The following AWAT2 variants were observed in gnomAD, a reference collection of about 807,000 sequenced individuals.
AWAT2 encodes acyl-CoA wax alcohol acyltransferase 2.
A neutral mutation model predicts 22.3 loss-of-function variants in AWAT2; 9 were observed. That is an observed-to-expected ratio of 0.40 (90% CI 0.24 to 0.70). AWAT2 has a LOEUF of 0.70. Ranked by LOEUF, AWAT2 falls within the 30% of genes least tolerant of loss-of-function variation. AWAT2 has a pLI of 0.36. For synonymous variants in AWAT2, 100 were observed against 93.4 expected (o/e 1.07, Z -0.40); for missense variants, 217 against 265.9 (o/e 0.82, Z 1.28).
chrX:70,043,116 C>T lies in AWAT2; in HGVS notation c.600G>A (p.Leu200=), dbSNP rs1310886292. ...CAAAGCCAGACCGGTTCTTCAACAC[C>T]AGGGTAGAAGAACCTGGCAGGCTGT... ...CRYSLPGSST[L]VLKNRSGFVR... The change falls in exon 5 of 8, where the codon CTG becomes CTA. Residue 200 remains leucine (L), a synonymous_variant. Coordinates refer to ENST00000276101, the MANE Select transcript of AWAT2 (RefSeq NM_001002254.1). 1 of 1,198,490 alleles carries T rather than the reference C, an allele frequency of 8.3e-7. No individual in the cohort carries two copies. Among genetic ancestry groups the T allele is most frequent in the South Asian group, 1.8e-5 (1 of 54,481 alleles).
In AWAT2 at chrX:70,042,376, T is replaced by C; in HGVS notation, c.658A>G (p.Ile220Val). The change falls in exon 6 of 8, where the codon ATA (isoleucine) becomes GTA (valine). Residue 220 changes from isoleucine to valine, a missense_variant. By Grantham distance (29) the Ile-to-Val change is conservative. Transcript: ENST00000276101. Reference protein sequence around the residue: ...RMALQHGVPLIPAYAFGETDL... With the variant: ...RMALQHGVPLVPAYAFGETDL... Reference sequence around the variant, plus strand: ...GTCTCCCCAAAGGCATAGGCAGGTATTAGAGGCACCCTGCAGAGCAAAAGC... The same window carrying C: ...GTCTCCCCAAAGGCATAGGCAGGTACTAGAGGCACCCTGCAGAGCAAAAGC... 8.3e-7 allele frequency: 1 copy of C among 1,210,841 alleles called. No homozygotes were observed. Among genetic ancestry groups the C allele is most frequent in the African/African-American group, 1.7e-5 (1 of 57,784 alleles).
intron 5 of AWAT2, chrX:70,042,602 C>T (rs906037849): frequency 2.1e-6 from 1 of 465,842 alleles, no homozygotes; most frequent in African/African-American, 2.4e-5. Context: ...GAGGCAAGCC[C>T]AGACCCTCCT....
rs767582878 is a variant in AWAT2, at chrX:70,042,982, G to A, written c.647+87C>T. The A allele has an allele frequency of 2.4e-5, 20 of 841,672 alleles. No homozygotes were observed. In the East Asian group the frequency reaches 7.0e-4, roughly 29 times the overall value. The allele number at this position is 841,672 out of a possible 1,213,427, so 69.4% of individuals were successfully genotyped here. A position where few individuals can be genotyped will look rare whatever the true frequency, so the allele number is the denominator to read the frequency against. Reference sequence around the variant, plus strand: ...TTGTATACTTCCTCCTCTCTCTGTGGATGTCCTTTCATCAAAACCCCCTCT... The same window carrying A: ...TTGTATACTTCCTCCTCTCTCTGTGAATGTCCTTTCATCAAAACCCCCTCT... On this transcript the variant is annotated intron_variant, in intron 5 of 7. Transcript: ENST00000276101.
At chrX:70,041,644 T>G in intron 7 of AWAT2, 22 bp from the exon 8 acceptor site, 6 of 436,089 alleles carry the variant, frequency 1.4e-5, no homozygotes, top group Non-Finnish European at 1.1e-5. Flanking sequence ...AAAAAGGAGG[T>G]GGGAAAAGGA....
chrX:70,044,560 C>G, intron 1 of AWAT2, 98 bp from the exon 2 acceptor site: 2 of 1,113,103 alleles, frequency 1.8e-6, no homozygotes, highest in Admixed American at 2.8e-5. Flanking sequence ...CGTGCACTCT[C>G]TCTCACCCAT....
At chrX:70,044,259 G>C in intron 2 of AWAT2, 93 bp downstream of exon 2, 1 of 1,153,323 alleles carries the variant, frequency 8.7e-7, no homozygotes, top group African/African-American at 1.8e-5. Flanking sequence ...CTAAAGGGCT[G>C]TCTGGGAATT....
intron 5 of AWAT2, among the ~76,000 whole-genome samples, chrX:70,042,720 T>G (rs1219602926): frequency 2.7e-5 from 3 of 112,089 alleles, no homozygotes; most frequent in Non-Finnish European, 5.6e-5. Context: ...GACAGGGTTG[T>G]TGCCAGTCCC....
chrX:70,048,640 A>C lies in AWAT2; in HGVS notation c.85+1208T>G, dbSNP rs142120120. On this transcript the variant is annotated intron_variant, in intron 1 of 7. Transcript: ENST00000276101. ...AAAGAAATACTAATTGCTGATAAAC[A>C]TGAAAAGATGCTCAAACTCATCAGT... is the stretch of plus-strand genomic sequence containing the variant. 9.8e-3 allele frequency among the ~76,000 whole-genome samples: 1,097 copies of C among 112,391 alleles called. 10 individuals are homozygous for C. The highest frequency in any genetic ancestry group is 0.034 in the African/African-American group (1,049 of 30,946).
intron 1 of AWAT2, among the ~76,000 whole-genome samples, chrX:70,046,510 T>C (rs2020362912): frequency 9.1e-6 from 1 of 109,509 alleles, no homozygotes; most frequent in Admixed American, 9.8e-5. Flanking sequence ...GTTCAAGCAG[T>C]TCTTGTGCCT....
At chrX:70,042,747 G>A (rs1029788197) in intron 5 of AWAT2, among the ~76,000 whole-genome samples, 2 of 112,209 alleles carry the variant, frequency 1.8e-5, no homozygotes, top group South Asian at 3.7e-4. Context: ...TAGAGGGGCC[G>A]GCCCAGATGA....
intron 1 of AWAT2, 76 bp downstream of exon 1, chrX:70,049,772 A>G (rs1192126269): frequency 4.4e-6 from 5 of 1,140,841 alleles, no homozygotes; most frequent in Non-Finnish European, 4.8e-6. Context: ...ACCATTGAAC[A>G]TCCTGCAACC....
At chrX:70,046,477 T>C (rs2020362689) in intron 1 of AWAT2, among the ~76,000 whole-genome samples, 1 of 108,089 alleles carries the variant, frequency 9.3e-6, no homozygotes, top group Non-Finnish European at 1.9e-5. Context: ...TGATCTCAGC[T>C]CACTGCAACT....
intron 1 of AWAT2, among the ~76,000 whole-genome samples, chrX:70,049,547 C>T (rs2020384441): frequency 9.0e-6 from 1 of 111,289 alleles, no homozygotes; most frequent in Admixed American, 9.6e-5. Flanking sequence ...AGAATGCCCT[C>T]TACACCCCAA....
chrX:70,041,865 A>G lies in AWAT2; in HGVS notation c.945T>C (p.Phe315=), dbSNP rs745582657. 1 of 1,211,132 alleles carries G rather than the reference A, an allele frequency of 8.3e-7. No homozygotes were observed. Among genetic ancestry groups the G allele is most frequent in the East Asian group, 3.0e-5 (1 of 33,823 alleles). The change falls in exon 7 of 8, where the codon TTT becomes TTC. Residue 315 remains phenylalanine (F), a synonymous_variant. Transcript: ENST00000276101. ...TACCAAACTTGGTCTTATGCTGGTC[A>G]AACAGTTTACGTAGGGCATCAATAT... ...TLYIDALRKL[F]DQHKTKFGIS... is the part of the protein sequence containing the mutation.
chrX:70,042,458 G>T, intron 5 of AWAT2, 72 bp from the exon 6 acceptor site: 3 of 1,032,988 alleles, frequency 2.9e-6, no homozygotes, highest in Non-Finnish European at 4.0e-6. Context: ...CACGCTGACG[G>T]CGCATGATCC....
At chrX:70,041,749 T>G in intron 7 of AWAT2, 24 bp downstream of exon 7, 3 of 1,157,478 alleles carry the variant, frequency 2.6e-6, no homozygotes, top group Non-Finnish European at 2.3e-6. Context: ...TTTGTCCTCC[T>G]GTTCTCACTG....
chrX:70,047,971 A>G (rs1294507097), intron 1 of AWAT2, among the ~76,000 whole-genome samples: 1 of 100,828 alleles, frequency 9.9e-6, no homozygotes, highest in African/African-American at 3.7e-5. Context: ...GCCAGCTCAC[A>G]CTGGGACCTG....
At chrX:70,044,311 G>C in intron 2 of AWAT2, 41 bp downstream of exon 2, 1 of 1,196,685 alleles carries the variant, frequency 8.4e-7, no homozygotes. Flanking sequence ...AGGGGAAAGA[G>C]CATGTGGCAT....
intron 1 of AWAT2, 45 bp downstream of exon 1, chrX:70,049,803 G>A: frequency 8.4e-7 from 1 of 1,197,422 alleles, no homozygotes; most frequent in Non-Finnish European, 1.1e-6. Context: ...TCAGTCTCAG[G>A]CAAGCCAGGA....
Sources: allele counts gnomAD v4.1 joint callset (sites outside exome capture counted in the v4.1 genomes callset), GRCh38; gene constraint gnomAD v4.1.1; transcripts MANE v1.5; gene names NCBI Gene and HGNC (gene_info 2026-07-23, HGNC 2026-07-21).